The following COL15A1 variants were observed in gnomAD, a reference collection of about 807,000 sequenced individuals.
The protein encoded by COL15A1 is collagen alpha-1(XV) chain.
A neutral mutation model predicts 165.9 loss-of-function variants in COL15A1; 111 were observed. The ratio of observed to expected loss-of-function variants is 0.67; its 90% CI spans 0.57 to 0.78. The LOEUF is 0.78. Ranked by LOEUF, COL15A1 falls within the 30% of genes least tolerant of loss-of-function variation. The pLI, the probability that COL15A1 is intolerant of heterozygous loss-of-function variation, is 0.00. For missense variants in COL15A1, 1,745 were observed against 1,789.7 expected (o/e 0.98, Z 0.45); for synonymous variants, 659 against 674.8 (o/e 0.98, Z 0.36).
chr9:99,059,626 A>G (rs1825777846), intron 35 of COL15A1, among the ~76,000 whole-genome samples: 1 of 152,246 alleles, frequency 6.6e-6, no homozygotes, highest in African/African-American at 2.4e-5. Context: ...CCACAAAAGG[A>G]ATTGATTCAC....
intron 5 of COL15A1, among the ~76,000 whole-genome samples, chr9:98,995,698 T>A (rs1838530572): frequency 6.6e-6 from 1 of 152,240 alleles, no homozygotes; most frequent in Admixed American, 6.5e-5. Context: ...CTGAAGATTT[T>A]ACAGTACAAT....
intron 30 of COL15A1, among the ~76,000 whole-genome samples, chr9:99,050,728 T>G (rs1338052929): frequency 2.0e-5 from 3 of 152,260 alleles, no homozygotes; most frequent in Non-Finnish European, 4.4e-5. Flanking sequence ...ACTAGACGGA[T>G]GTGGCCTCTG....
In COL15A1 at chr9:99,054,603, G is replaced by T; in HGVS notation, c.2978G>T (p.Gly993Val). 1 of 1,613,242 alleles carries T rather than the reference G, an allele frequency of 6.2e-7. No homozygotes were observed. The highest frequency in any genetic ancestry group is 8.5e-7 in the Non-Finnish European group (1 of 1,179,706). ...GTTAAAGGAGAGAAAGGATCCTGGG[G>T]TCTTCCTGGCTCAAAGGGAGAAAAA... ...HGVKGEKGSW[G>V]LPGSKGEKGD... The change falls in exon 32 of 42, where the codon GGT (glycine) becomes GTT (valine). Residue 993 changes from glycine to valine, a missense_variant. Coordinates refer to ENST00000375001, the MANE Select transcript of COL15A1 (RefSeq NM_001855.5).
intron 40 of COL15A1, among the ~76,000 whole-genome samples, chr9:99,067,906 A>C (rs1362068244): frequency 2.6e-5 from 4 of 152,188 alleles, no homozygotes; most frequent in Non-Finnish European, 5.9e-5. Flanking sequence ...AAGGCCTGCC[A>C]CAAATTTGAA....
At position 99,038,752 on chromosome 9, in the gene COL15A1, C is replaced by CA; in HGVS notation, c.2475+19_2475+20insA. 1 of 1,549,646 alleles carries CA rather than the reference C, an allele frequency of 6.5e-7. No individual in the cohort carries two copies. The highest frequency in any genetic ancestry group is 8.9e-7 in the Non-Finnish European group (1 of 1,121,978). ...GCCTCCGGTTGGTATCTACAGCTGC[C>CA]CCAGAATGTGGCTTTTACCCAGACG... On this transcript the variant is annotated intron_variant, in intron 22 of 41. Coordinates refer to ENST00000375001, the MANE Select transcript of COL15A1 (RefSeq NM_001855.5).
chr9:99,019,868 C>T (rs1031500254), intron 11 of COL15A1, among the ~76,000 whole-genome samples: 1 of 152,092 alleles, frequency 6.6e-6, no homozygotes, highest in African/African-American at 2.4e-5. Flanking sequence ...AGCTTTGCTC[C>T]TAGGGGTCCA....
At chr9:98,947,759 T>C (rs16918095) in intron 2 of COL15A1, among the ~76,000 whole-genome samples, 2,346 of 152,276 alleles carry the variant, frequency 0.015, 26 homozygotes, top group East Asian at 0.064. Context: ...CTGAATGCCA[T>C]TGTGGGCCCA....
intron 2 of COL15A1, among the ~76,000 whole-genome samples, chr9:98,962,986 A>G (rs1837886840): frequency 6.6e-6 from 1 of 152,204 alleles, no homozygotes. Context: ...GGCCATGAGA[A>G]GCTTTCATTT....
intron 26 of COL15A1, 143 bp from the exon 27 acceptor site, chr9:99,047,643 G>T (rs907028073): frequency 7.4e-6 from 6 of 810,226 alleles, no homozygotes; most frequent in Non-Finnish European, 1.3e-5. Context: ...CCGCAGGCAG[G>T]GGCTTCTACC....
At position 98,985,665 on chromosome 9, in the gene COL15A1, C is replaced by A; in HGVS notation, c.201C>A (p.Tyr67Ter). The A allele has an allele frequency of 6.2e-7, 1 of 1,614,248 alleles. No individual in the cohort carries two copies. The highest frequency in any genetic ancestry group is 8.5e-7 in the Non-Finnish European group (1 of 1,180,048). The change falls in exon 3 of 42, where the codon TAC (tyrosine) becomes TAA (stop). Residue 67 changes from tyrosine (Y) to a stop codon, truncating the protein, a stop_gained. Transcript: ENST00000375001. LOFTEE classifies it high-confidence loss of function. ...FVTGYGGFPA[Y>*]SFGPGANVGR... The stretch of plus-strand genomic sequence containing the variant: ...CAGGCTATGGTGGCTTCCCGGCCTA[C>A]AGTTTCGGGCCTGGTGCCAATGTTG...
rs1236827073 is a variant in COL15A1 at position 99,019,252 on chromosome 9, G to A, written c.1648-1137G>A. Among the ~76,000 whole-genome samples, 3 of 152,168 alleles carry A rather than the reference G, an allele frequency of 2.0e-5. No homozygotes were observed. In the East Asian group the frequency reaches 5.8e-4, roughly 29 times the overall value. On this transcript the variant is annotated intron_variant, in intron 11 of 41. Coordinates refer to ENST00000375001, the MANE Select transcript of COL15A1 (RefSeq NM_001855.5). Reference sequence around the variant, plus strand: ...TCTCTTGCCCAGACTAGAGTGCAGTGGCGTGATCTCGGCTTACTGCAACCT... The same window carrying A: ...TCTCTTGCCCAGACTAGAGTGCAGTAGCGTGATCTCGGCTTACTGCAACCT...
Position 98,957,950 on chromosome 9 carries a change from G to A in COL15A1, c.100+13700G>A, listed in dbSNP as rs139500026. The stretch of plus-strand genomic sequence containing the variant: ...ACAGGCACCATCACACCTGGCTGGG[G>A]TTGTTCTCTATGCCACCAGCACCTA... On this transcript the variant is annotated intron_variant, in intron 2 of 41. Coordinates refer to ENST00000375001, the MANE Select transcript of COL15A1 (RefSeq NM_001855.5). Among the ~76,000 whole-genome samples the A allele has an allele frequency of 1.9e-3, 293 of 152,328 alleles. No individual in the cohort carries two copies. The Middle Eastern group carries it at 0.02, about 11-fold the overall frequency.
chr9:99,028,915 C>T (rs77152751), intron 16 of COL15A1, among the ~76,000 whole-genome samples: 6,103 of 152,186 alleles, frequency 0.04, 287 homozygotes, highest in East Asian at 0.13. Context: ...ATGCTGAGTT[C>T]GATGATAGAA....
At chr9:98,959,227 C>CAAAAAA (rs60892848) in intron 2 of COL15A1, among the ~76,000 whole-genome samples, 32 of 72,710 alleles carry the variant, frequency 4.4e-4, no homozygotes, top group Middle Eastern at 8.3e-3. Context: ...CCTGTCTCTA[C>CAAAAAA]AAAAAAAAAA....
Position 99,059,911 on chromosome 9 carries a change from T to C in COL15A1, c.3360T>C (p.Pro1120=), listed in dbSNP as rs142506409. 891 of 1,613,956 alleles carry C rather than the reference T, an allele frequency of 5.5e-4. 1 individual carries two copies. The African/African-American group carries it at 5.6e-3, about 10-fold the overall frequency. ...TAGCTGTGGCCCTTCCAGGTCCCCC[T>C]GGCCCTCCAGGACAGCCAGGGCTTC... ...LGAAVALPGP[P]GPPGQPGLPG... Residue 1120 remains proline, a synonymous_variant, in exon 36 of 42, where the codon CCT becomes CCC. Transcript: ENST00000375001.
chr9:99,032,777 TA>T (rs1839228938), intron 16 of COL15A1, among the ~76,000 whole-genome samples: 1 of 152,224 alleles, frequency 6.6e-6, no homozygotes, highest in South Asian at 2.1e-4. Flanking sequence ...ATCTCTGTAT[TA>T]ATTCTCTCTT....
chr9:98,987,098 T>C (rs752771090), intron 3 of COL15A1, among the ~76,000 whole-genome samples, 196 bp from the exon 4 acceptor site: 1 of 152,160 alleles, frequency 6.6e-6, no homozygotes, highest in Non-Finnish European at 1.5e-5. Flanking sequence ...AGTATGATAC[T>C]GGCCCAAGGA....
rs1156464062 is a variant in COL15A1 at position 99,012,703 on chromosome 9, CTTTTTTTTTTTTTTTT to C, written c.1354-2703_1354-2688del. 1.6e-3 allele frequency among the ~76,000 whole-genome samples: 163 copies of C among 99,800 alleles called. 1 individual carries two copies. Among genetic ancestry groups the C allele is most frequent in the African/African-American group, 6.4e-3 (151 of 23,578 alleles). The allele number at this position is 99,800 out of a possible 152,430, so 65.5% of individuals were successfully genotyped here. ...ATTCTTAGATTATTTGTTTCCCACC[CTTTTTTTTTTTTTTTT>C]TTTTTTTTTTGAGACGGAGTCTCCC... On this transcript the variant is annotated intron_variant, in intron 9 of 41. Transcript: ENST00000375001.
intron 6 of COL15A1, among the ~76,000 whole-genome samples, chr9:98,999,093 A>C: frequency 6.6e-6 from 1 of 152,170 alleles, no homozygotes; most frequent in East Asian, 1.9e-4. Flanking sequence ...CGTGCTGGCC[A>C]CTCTTCCATC....
Sources: allele counts gnomAD v4.1 joint callset (sites outside exome capture counted in the v4.1 genomes callset), GRCh38; gene constraint gnomAD v4.1.1; transcripts MANE v1.5; gene names NCBI Gene and HGNC (gene_info 2026-07-23, HGNC 2026-07-21).